LDLRAD4: variants seen among roughly 807,000 people sequenced by gnomAD.
LDLRAD4 encodes low-density lipoprotein receptor class A domain-containing protein 4.
In LDLRAD4, 5 loss-of-function variants were observed where a neutral mutation model predicts 17.0. That is an observed-to-expected ratio of 0.29 (90% confidence interval 0.15 to 0.62). LDLRAD4 has a LOEUF of 0.62. LDLRAD4 is among the 20% of genes least tolerant of loss of function. The probability of loss-of-function intolerance (pLI) is 0.84; values close to 1 mark genes in which losing one functional copy is unlikely to be tolerated. For missense variants in LDLRAD4, 340 were observed against 424.7 expected, an observed-to-expected ratio of 0.80 and a Z score of 1.75; for synonymous variants, 168 against 171.8, an observed-to-expected ratio of 0.98 and a Z score of 0.17.
intron 2 of LDLRAD4, among the ~76,000 whole-genome samples, chr18:13,405,484 G>A (rs2087646197): frequency 6.6e-6 from 1 of 152,098 alleles, no homozygotes; most frequent in Non-Finnish European, 1.5e-5. Context: ...GAGCAGTGAT[G>A]CAATCATAGC....
chr18:13,262,047 C>CT (rs2043856954), intron 1 of LDLRAD4, among the ~76,000 whole-genome samples: 1 of 112,182 alleles, frequency 8.9e-6, no homozygotes, highest in Non-Finnish European at 1.9e-5. Context: ...TGCATGGAAA[C>CT]TGAGTCCCGT....
At chr18:13,303,866 T>TC (rs2046752632) in intron 1 of LDLRAD4, among the ~76,000 whole-genome samples, 2 of 152,112 alleles carry the variant, frequency 1.3e-5, no homozygotes, top group African/African-American at 2.4e-5. Flanking sequence ...GCTAAGGAGA[T>TC]CCTAGCTGCT....
exon 6 of LDLRAD4, chr18:13,650,986 T>A (rs1270011795): frequency 6.6e-6 from 1 of 152,234 alleles, no homozygotes; most frequent in Non-Finnish European, 1.5e-5. Flanking sequence ...TTTTAAAAAA[T>A]CCCACAGCTT....
chr18:13,468,025 A>G (rs2092671707), intron 3 of LDLRAD4, among the ~76,000 whole-genome samples: 1 of 152,250 alleles, frequency 6.6e-6, no homozygotes, highest in Non-Finnish European at 1.5e-5. Flanking sequence ...AGCCAAGAGC[A>G]TAAAATTCGT....
At chr18:13,273,765 C>T (rs950162237), upstream of LDLRAD4, among the ~76,000 whole-genome samples, 3 of 152,208 alleles carry the variant, frequency 2.0e-5, no homozygotes, top group South Asian at 2.1e-4. Flanking sequence ...GAAGAATAAG[C>T]GCGCCTGCTT....
At chr18:13,619,492 G>T (rs1209113053) in intron 3 of LDLRAD4, among the ~76,000 whole-genome samples, 1 of 137,002 alleles carries the variant, frequency 7.3e-6, no homozygotes, top group African/African-American at 2.6e-5. Flanking sequence ...GTTTTTGTGT[G>T]TGTGTGGGTG....
In LDLRAD4 at chr18:13,422,788, CT is replaced by C. The variant is rs1486196641; in HGVS notation, c.41-15455del. On this transcript the variant is annotated intron_variant, in intron 2 of 5. Transcript: ENST00000359446. Reference sequence around the variant, plus strand: ...TCTCTGCATATCTCCAGCAACAGATCTGTTTTTTCCTCTTCTGTCTCAGCAA... The same window carrying C: ...TCTCTGCATATCTCCAGCAACAGATCGTTTTTTCCTCTTCTGTCTCAGCAA... 2.0e-5 allele frequency among the ~76,000 whole-genome samples: 3 copies of C among 152,376 alleles called. No individual in the cohort carries two copies. In the South Asian group the frequency reaches 6.2e-4, roughly 32 times the overall value.
In LDLRAD4 at chr18:13,622,019, C is replaced by T. The variant is rs558535973; in HGVS notation, c.336+748C>T. On this transcript the variant is annotated intron_variant, in intron 4 of 5. Transcript: ENST00000359446. This position sits in a 1 kb window ranked among gnomAD's most constrained non-coding sequence, Gnocchi z 5.3. Reference sequence around the variant, plus strand: ...GGTTAGGAGCGGTGAGTTCAGCGAGCGTATAAATCCTTGGCTTCCGTGATG... The same window carrying T: ...GGTTAGGAGCGGTGAGTTCAGCGAGTGTATAAATCCTTGGCTTCCGTGATG... 2.6e-5 allele frequency among the ~76,000 whole-genome samples: 4 copies of T among 152,270 alleles called. No individual in the cohort carries two copies. Among genetic ancestry groups the T allele is most frequent in the East Asian group, 3.9e-4 (2 of 5,178 alleles).
chr18:13,258,887 G>A (rs1475454406), intron 1 of LDLRAD4, among the ~76,000 whole-genome samples: 2 of 152,166 alleles, frequency 1.3e-5, no homozygotes, highest in Non-Finnish European at 2.9e-5. Context: ...GTGCCTCCCA[G>A]AAGCACCATC....
intron 1 of LDLRAD4, among the ~76,000 whole-genome samples, chr18:13,375,260 T>C (rs1156405016): frequency 6.6e-6 from 1 of 152,204 alleles, no homozygotes; most frequent in African/African-American, 2.4e-5. Context: ...GGAGGAGGTC[T>C]GAAAATATCC....
At chr18:13,568,794 C>T (rs996606844) in intron 3 of LDLRAD4, among the ~76,000 whole-genome samples, 2 of 152,154 alleles carry the variant, frequency 1.3e-5, no homozygotes, top group Non-Finnish European at 2.9e-5. Context: ...GGTTTCAGGT[C>T]TTCCTGTCTC....
upstream of LDLRAD4, among the ~76,000 whole-genome samples, chr18:13,275,666 C>G (rs946180701): frequency 1.3e-5 from 2 of 152,120 alleles, no homozygotes; most frequent in African/African-American, 4.8e-5. Context: ...AGGATGGATA[C>G]CCCATTCTGC....
chr18:13,286,747 G>A (rs947354985), intron 1 of LDLRAD4, among the ~76,000 whole-genome samples: 9 of 152,148 alleles, frequency 5.9e-5, no homozygotes, highest in African/African-American at 1.2e-4. Context: ...AGAAGGAGAC[G>A]GAAGCTGAGA....
intron 2 of LDLRAD4, among the ~76,000 whole-genome samples, chr18:13,410,367 T>C (rs996884699): frequency 1.2e-4 from 18 of 152,228 alleles, no homozygotes; most frequent in African/African-American, 4.3e-4. Flanking sequence ...ATTTAATTTC[T>C]TAGTTTTGAT....
rs374930073 is a variant in LDLRAD4, at chr18:13,622,719, C to T, written c.336+1448C>T. Among the ~76,000 whole-genome samples the T allele has an allele frequency of 1.3e-5, 2 of 152,194 alleles. No homozygotes were observed. Among genetic ancestry groups the T allele is most frequent in the East Asian group, 3.8e-4 (2 of 5,202 alleles). On this transcript the variant is annotated intron_variant, in intron 4 of 5. Transcript: ENST00000359446. This position sits in a 1 kb window ranked among gnomAD's most constrained non-coding sequence, Gnocchi z 5.3. ...CTAAACACACAGTGTATGGGATTCA[C>T]CTGTGTTTTGAGAGAGGACAGGGAG... is the stretch of plus-strand genomic sequence containing the variant.
intron 3 of LDLRAD4, among the ~76,000 whole-genome samples, chr18:13,562,709 T>A (rs1484329014): frequency 6.6e-6 from 1 of 152,190 alleles, no homozygotes; most frequent in Non-Finnish European, 1.5e-5. Context: ...CTTTTTTAGA[T>A]GCAACATGTG....
intron 1 of LDLRAD4, among the ~76,000 whole-genome samples, chr18:13,222,546 A>G (rs1365159434): frequency 1.3e-5 from 2 of 152,218 alleles, no homozygotes; most frequent in Non-Finnish European, 2.9e-5. Flanking sequence ...ACACGCTTGC[A>G]CTGCAAACGC....
chr18:13,643,135 C>T (rs1467495402), intron 4 of LDLRAD4, among the ~76,000 whole-genome samples: 4 of 151,932 alleles, frequency 2.6e-5, no homozygotes, highest in Non-Finnish European at 5.9e-5. Flanking sequence ...GGGGTTTCAC[C>T]ATGTTGGCCA....
intron 1 of LDLRAD4, among the ~76,000 whole-genome samples, chr18:13,292,887 G>C (rs1443276076): frequency 6.6e-6 from 1 of 152,194 alleles, no homozygotes; most frequent in Non-Finnish European, 1.5e-5. Flanking sequence ...AGAGATCTAG[G>C]AGTTTTCCAA....
Sources: gnomAD v4.1 joint callset for allele counts (sites outside exome capture counted in the v4.1 genomes callset) on GRCh38, gnomAD v4.1.1 for gene constraint, Gnocchi (gnomAD v3.1) non-coding constraint, MANE v1.5 for transcripts, NCBI Gene and HGNC (gene_info 2026-07-23, HGNC 2026-07-21) for gene names.